Variants in NPRL3 observed in about 807,000 individuals in gnomAD.
The protein encoded by NPRL3 is NPR3 like, GATOR1 complex subunit, also known as GATOR1 complex protein NPRL3.
In NPRL3, 23 loss-of-function variants were observed where a neutral mutation model predicts 57.2. The ratio of observed to expected loss-of-function variants is 0.40; its 90% CI spans 0.29 to 0.57. The LOEUF (loss-of-function observed/expected upper bound fraction) is 0.57, where lower values mean the gene tolerates loss of function less well. NPRL3 is among the 20% of genes least tolerant of loss of function. The pLI, the probability that NPRL3 is intolerant of heterozygous loss-of-function variation, is 0.42. For synonymous variants in NPRL3, 333 were observed against 321.1 expected (o/e 1.04, Z -0.39); for missense variants, 691 against 767.1 (o/e 0.90, Z 1.17).
chr16:98,377 AGGTATGCACCG>A (rs1159128829), intron 8 of NPRL3, 76 bp from the exon 9 acceptor site: 36 of 1,484,038 alleles, frequency 2.4e-5, no homozygotes, highest in African/African-American at 9.1e-5. Context: ...GTCCTGCACC[AGGTATGCACCG>A]GGTATGCACC....
chr16:117,496 A>C, intron 4 of NPRL3, 121 bp from the exon 5 acceptor site: 1 of 662,046 alleles, frequency 1.5e-6, no homozygotes, highest in Non-Finnish European at 2.6e-6. Context: ...TTGGAAAAGC[A>C]ATGAATGCCT....
Position 85,537 on chromosome 16 carries a change from C to T in NPRL3, c.*1168G>A, listed in dbSNP as rs1450966636. 1 of 1,613,288 alleles carries T rather than the reference C, an allele frequency of 6.2e-7. No individual in the cohort carries two copies. Among genetic ancestry groups the T allele is most frequent in the Non-Finnish European group, 8.5e-7 (1 of 1,180,044 alleles). ...ACCGCGAGCTCTGCAGTGGCCCCTC[C>T]AAGCTGTGCCAGGCCCTGGCCATCA... On this transcript the variant is annotated 3_prime_UTR_variant, in exon 14 of 14. Transcript: ENST00000611875.
chr16:95,382 CACAA>C lies in NPRL3; in HGVS notation c.925-2061_925-2058del, dbSNP rs1285079000. On this transcript the variant is annotated intron_variant, in intron 9 of 13. Coordinates refer to ENST00000611875, the MANE Select transcript of NPRL3 (RefSeq NM_001077350.3). ...ACACACACACACACACACACACACA[CACAA>C]TAAAATGTATATATACAGATAAAAA... Among the ~76,000 whole-genome samples, 26 of 118,504 alleles carry C rather than the reference CACAA, an allele frequency of 2.2e-4. No homozygotes were observed. In the East Asian group the frequency reaches 4.9e-3, roughly 22 times the overall value. 77.7% of individuals were successfully genotyped at this position (118,504 alleles called of 152,430 possible). A position where few individuals can be genotyped will look rare whatever the true frequency, so the allele number is the denominator to read the frequency against.
chr16:115,560 A>T (rs1172900929), intron 5 of NPRL3, among the ~76,000 whole-genome samples: 1 of 149,770 alleles, frequency 6.7e-6, no homozygotes. Flanking sequence ...ATCTCTGCTC[A>T]CTGCAACCTC....
intron 3 of NPRL3, among the ~76,000 whole-genome samples, chr16:130,138 T>G (rs1900724596): frequency 6.6e-6 from 1 of 152,202 alleles, no homozygotes; most frequent in African/African-American, 2.4e-5. Context: ...TTGACCAGGC[T>G]GTGCTAAACC....
At chr16:109,021 T>C (rs1187420274) in intron 7 of NPRL3, among the ~76,000 whole-genome samples, 1 of 149,046 alleles carries the variant, frequency 6.7e-6, no homozygotes, top group Non-Finnish European at 1.5e-5. Flanking sequence ...GGGGCCAGAG[T>C]ACAATGGTAC....
chr16:85,528 T>C lies in NPRL3; in HGVS notation c.*1177A>G, dbSNP rs1365620122. The C allele has an allele frequency of 6.2e-6, 10 of 1,613,408 alleles. No homozygotes were observed. In the South Asian group the frequency reaches 8.8e-5, roughly 14 times the overall value. ...TCCTCAAGGACCGCGAGCTCTGCAG[T>C]GGCCCCTCCAAGCTGTGCCAGGCCC... is the stretch of plus-strand genomic sequence containing the variant. On this transcript the variant is annotated 3_prime_UTR_variant, in exon 14 of 14. Coordinates refer to ENST00000611875, the MANE Select transcript of NPRL3 (RefSeq NM_001077350.3).
chr16:134,873 T>C (rs1236648208), intron 2 of NPRL3, among the ~76,000 whole-genome samples: 2 of 151,060 alleles, frequency 1.3e-5, no homozygotes, highest in Non-Finnish European at 2.9e-5. Context: ...GGCTAATTTT[T>C]TGTATTTTTA....
intron 7 of NPRL3, among the ~76,000 whole-genome samples, chr16:106,371 G>A (rs1362341450): frequency 1.3e-5 from 2 of 152,110 alleles, no homozygotes; most frequent in Admixed American, 6.6e-5. Flanking sequence ...GGTGGCTCAC[G>A]CCTATAATCC....
At chr16:132,525 C>T (rs190704927) in intron 2 of NPRL3, among the ~76,000 whole-genome samples, 2 of 152,344 alleles carry the variant, frequency 1.3e-5, no homozygotes, top group Admixed American at 1.3e-4. Flanking sequence ...ACTCCTGTTA[C>T]TGTTGATATT....
rs533853839 is a variant in NPRL3, at chr16:86,389, A to G, written c.*316T>C. 43 of 349,490 alleles carry G rather than the reference A, an allele frequency of 1.2e-4. No individual in the cohort carries two copies. Among genetic ancestry groups the G allele is most frequent in the Non-Finnish European group, 2.1e-4 (39 of 185,700 alleles). The allele number at this position is 349,490 out of a possible 1,614,324, so 21.6% of individuals were successfully genotyped here. ...AGGGTCTGAGAAACGCACAGCCCAC[A>G]TGGGCCTTGAAGGATGCGGCCTCAC... On this transcript the variant is annotated 3_prime_UTR_variant, in exon 14 of 14. Transcript: ENST00000611875.
Position 85,609 on chromosome 16 carries a change from GCTGGAGCGTGGTCCC to G in NPRL3, c.*1081_*1095del. ...ACCTGGCACAGGATGAAGCTGTATGGCTGGAGCGTGGTCCCCTGGAGCCCAGTGAGCCGGCTGTAG... is the reference window on the plus strand; with the variant it reads ...ACCTGGCACAGGATGAAGCTGTATGGCTGGAGCCCAGTGAGCCGGCTGTAG... On this transcript the variant is annotated 3_prime_UTR_variant, in exon 14 of 14. Transcript: ENST00000611875. 1 of 1,607,924 alleles carries G rather than the reference GCTGGAGCGTGGTCCC, an allele frequency of 6.2e-7. No homozygotes were observed. Among genetic ancestry groups the G allele is most frequent in the Non-Finnish European group, 8.5e-7 (1 of 1,175,832 alleles).
chr16:133,354 A>T (rs1017365795), intron 2 of NPRL3, among the ~76,000 whole-genome samples: 1 of 151,922 alleles, frequency 6.6e-6, no homozygotes, highest in Non-Finnish European at 1.5e-5. Context: ...CCTCCCGAGT[A>T]GCTGGGGATT....
intron 3 of NPRL3, among the ~76,000 whole-genome samples, chr16:126,535 G>C (rs931520212): frequency 1.3e-5 from 2 of 152,048 alleles, no homozygotes; most frequent in African/African-American, 4.8e-5. Flanking sequence ...CCCATTCTCT[G>C]AGGTAGTGGC....
intron 8 of NPRL3, among the ~76,000 whole-genome samples, chr16:99,959 CAAAAAAAAAAAAAA>C (rs11304941): frequency 1.6e-5 from 1 of 61,022 alleles, no homozygotes; most frequent in Non-Finnish European, 3.3e-5. Flanking sequence ...CACACCCCCG[CAAAAAAAAAAAAAA>C]AAAAGAAAAA....
chr16:94,546 C>T (rs1256161018), intron 9 of NPRL3, among the ~76,000 whole-genome samples: 2 of 152,116 alleles, frequency 1.3e-5, no homozygotes, highest in South Asian at 2.1e-4. Flanking sequence ...CCTCGGAGTT[C>T]GAGACCAACC....
At chr16:124,150 CAG>C (rs1243850058) in intron 3 of NPRL3, among the ~76,000 whole-genome samples, 7 of 151,200 alleles carry the variant, frequency 4.6e-5, no homozygotes, top group African/African-American at 1.7e-4. Context: ...CGCTGAGAAA[CAG>C]GGTCACACGC....
chr16:115,475 T>C (rs1057101158), intron 5 of NPRL3, among the ~76,000 whole-genome samples: 1 of 139,670 alleles, frequency 7.2e-6, no homozygotes, highest in African/African-American at 2.7e-5. Context: ...TCCTAGACTA[T>C]CTTGTTTCCT....
At chr16:106,411 T>C (rs1471281884) in intron 7 of NPRL3, among the ~76,000 whole-genome samples, 1 of 152,056 alleles carries the variant, frequency 6.6e-6, no homozygotes, top group Non-Finnish European at 1.5e-5. Context: ...GGTGGGTAGA[T>C]TGCTTGAGTC....
Sources: gnomAD v4.1 joint callset for allele counts (sites outside exome capture counted in the v4.1 genomes callset) on GRCh38, gnomAD v4.1.1 for gene constraint, MANE v1.5 for transcripts, NCBI Gene and HGNC (gene_info 2026-07-23, HGNC 2026-07-21) for gene names.